The following MYCBP2 variants were observed in gnomAD, a reference collection of about 807,000 sequenced individuals.
The protein encoded by MYCBP2 is MYC binding protein 2.
In MYCBP2, 120 loss-of-function variants were observed where a neutral mutation model predicts 525.3. That is an observed-to-expected ratio of 0.23 (90% confidence interval 0.20 to 0.27). MYCBP2 has a LOEUF of 0.27. Among genes scored for constraint, MYCBP2 ranks in the 10% least tolerant of loss-of-function variants. The probability of loss-of-function intolerance (pLI) is 1.00; values close to 1 mark genes in which losing one functional copy is unlikely to be tolerated. For missense variants in MYCBP2, 4,149 were observed against 5,657.1 expected (o/e 0.73, Z 8.55); for synonymous variants, 1,894 against 1,955.8 (o/e 0.97, Z 0.83).
chr13:77,305,565 G>A (rs2079308213), intron 1 of MYCBP2, among the ~76,000 whole-genome samples: 1 of 152,018 alleles, frequency 6.6e-6, no homozygotes, highest in South Asian at 2.1e-4. Context: ...AATAGCTTTG[G>A]GATTTATGGA....
At chr13:77,171,092 A>G (rs2154225553) in intron 38 of MYCBP2, among the ~76,000 whole-genome samples, 1 of 152,340 alleles carries the variant, frequency 6.6e-6, no homozygotes, top group South Asian at 2.1e-4. Context: ...AAAAACTCAT[A>G]GAGCTGAATT....
chr13:77,154,859 A>T (rs1566734066), intron 46 of MYCBP2, among the ~76,000 whole-genome samples: 1 of 152,044 alleles, frequency 6.6e-6, no homozygotes, highest in East Asian at 1.9e-4. Context: ...CATTGTATAG[A>T]ATAATTCCAA....
chr13:77,098,694 T>C lies in MYCBP2; in HGVS notation c.8460A>G (p.Ser2820=), dbSNP rs749493794. 5.0e-6 allele frequency: 8 copies of C among 1,613,550 alleles called. No homozygotes were observed. In the East Asian group the frequency reaches 1.8e-4, roughly 36 times the overall value. ...CTGGGAGAGTCTTTGGCTTAGGAGA[T>C]GACAACCGAGAACCTGGTCCTGGGG... ...AESPGPGSRL[S]SPKPKTLPAN... is the part of the protein sequence containing the mutation. The change falls in exon 56 of 83, where the codon TCA becomes TCG. Residue 2820 remains serine (S), a synonymous_variant. Transcript: ENST00000544440.
intron 1 of MYCBP2, among the ~76,000 whole-genome samples, chr13:77,317,512 G>T (rs946847790): frequency 1.3e-5 from 2 of 152,208 alleles, no homozygotes. Context: ...CCTCACCCTT[G>T]CAGGGCATCA....
intron 52 of MYCBP2, among the ~76,000 whole-genome samples, chr13:77,127,847 T>G (rs1435049550): frequency 6.6e-6 from 1 of 151,898 alleles, no homozygotes; most frequent in South Asian, 2.1e-4. Flanking sequence ...TCAGGGAAAA[T>G]GTTAAAGTCA....
intron 3 of MYCBP2, among the ~76,000 whole-genome samples, chr13:77,286,341 A>G (rs74095703): frequency 0.013 from 2,035 of 152,340 alleles, 42 homozygotes; most frequent in African/African-American, 0.046. Context: ...ATCATTTTGA[A>G]TAGCTCTGTT....
intron 2 of MYCBP2, among the ~76,000 whole-genome samples, chr13:77,290,869 T>G (rs2077394648): frequency 6.6e-6 from 1 of 152,190 alleles, no homozygotes; most frequent in Non-Finnish European, 1.5e-5. Context: ...GCATTCATAC[T>G]GAAATCATCT....
intron 43 of MYCBP2, 21 bp downstream of exon 43, chr13:77,164,433 T>C: frequency 4.0e-6 from 6 of 1,514,222 alleles, no homozygotes; most frequent in Non-Finnish European, 5.5e-6. Context: ...TCAAAAAACA[T>C]CCAGTATTGG....
chr13:77,078,881 A>G lies in MYCBP2; in HGVS notation c.11427T>C (p.Val3809=), dbSNP rs183420850. 139 of 1,612,854 alleles carry G rather than the reference A, an allele frequency of 8.6e-5. 1 individual carries two copies. The African/African-American group carries it at 1.2e-3, about 14-fold the overall frequency. ...VDNSRDLGNK[V]TSMTFLTGKA... ...TGCCAGTTAAGAAGGTCATTGAGGT[A>G]ACTTTATTCTGAAATAGACAATTCA... Residue 3809 remains valine (V), a synonymous_variant, in exon 66 of 83, where the codon GTT becomes GTC. Transcript: ENST00000544440.
At chr13:77,201,798 G>A (rs2062610391) in intron 26 of MYCBP2, among the ~76,000 whole-genome samples, 1 of 152,074 alleles carries the variant, frequency 6.6e-6, no homozygotes, top group Admixed American at 6.5e-5. Context: ...TGACTACTGG[G>A]TACACAATGA....
At chr13:77,155,433 A>G (rs983721029) in intron 46 of MYCBP2, among the ~76,000 whole-genome samples, 6 of 152,154 alleles carry the variant, frequency 3.9e-5, no homozygotes, top group Admixed American at 2.0e-4. Context: ...ATTTTATTCA[A>G]TATAATTTTT....
intron 27 of MYCBP2, among the ~76,000 whole-genome samples, 154 bp from the exon 28 acceptor site, chr13:77,191,967 C>T (rs1388715127): frequency 6.6e-6 from 1 of 152,164 alleles, no homozygotes. Context: ...GAAGTCTGGA[C>T]AAGAATGCAA....
chr13:77,152,734 A>G (rs1486239119), intron 46 of MYCBP2, among the ~76,000 whole-genome samples: 1 of 152,074 alleles, frequency 6.6e-6, no homozygotes, highest in Non-Finnish European at 1.5e-5. Flanking sequence ...TGCCCTTTCT[A>G]GCTCCCCTTC....
At chr13:77,276,014 T>C (rs2075525994) in intron 4 of MYCBP2, among the ~76,000 whole-genome samples, 1 of 152,094 alleles carries the variant, frequency 6.6e-6, no homozygotes, top group Non-Finnish European at 1.5e-5. Context: ...CAGAACTCCT[T>C]CTACTTTCCT....
At chr13:77,188,135 A>C (rs1046334742) in intron 30 of MYCBP2, among the ~76,000 whole-genome samples, 3 of 151,714 alleles carry the variant, frequency 2.0e-5, no homozygotes, top group African/African-American at 7.3e-5. Context: ...GTAGGTATAT[A>C]TGGTGATCAT....
chr13:77,277,855 G>A (rs1451830086), intron 4 of MYCBP2, among the ~76,000 whole-genome samples: 6 of 152,092 alleles, frequency 3.9e-5, no homozygotes, highest in African/African-American at 1.2e-4. Context: ...GAAAACTTTA[G>A]ATAGTTTAAA....
intron 34 of MYCBP2, among the ~76,000 whole-genome samples, chr13:77,178,445 A>T (rs2059920950): frequency 6.6e-6 from 1 of 152,254 alleles, no homozygotes; most frequent in Non-Finnish European, 1.5e-5. Flanking sequence ...GTAAAACTTC[A>T]TTTGAAGAAA....
intron 53 of MYCBP2, among the ~76,000 whole-genome samples, chr13:77,126,111 T>C (rs1008600082): frequency 2.0e-5 from 3 of 152,226 alleles, no homozygotes; most frequent in Non-Finnish European, 4.4e-5. Flanking sequence ...TACAAATCAT[T>C]TGTTAATATA....
intron 20 of MYCBP2, among the ~76,000 whole-genome samples, chr13:77,220,121 GT>G (rs1474016297): frequency 6.6e-6 from 1 of 152,116 alleles, no homozygotes; most frequent in Non-Finnish European, 1.5e-5. Flanking sequence ...ATTGATTCAT[GT>G]TTGCGGTTTT....
Sources: allele counts gnomAD v4.1 joint callset (sites outside exome capture counted in the v4.1 genomes callset), GRCh38; gene constraint gnomAD v4.1.1; transcripts MANE v1.5; gene names NCBI Gene and HGNC (gene_info 2026-07-23, HGNC 2026-07-21).